The following DIXDC1 variants were observed in gnomAD, a reference collection of about 807,000 sequenced individuals.
DIXDC1 encodes DIX domain containing 1.
Under a neutral mutation model 103.1 loss-of-function variants are expected in DIXDC1, and 64 were observed. The observed-to-expected ratio is 0.62, with a 90% CI of 0.51 to 0.76. The LOEUF (loss-of-function observed/expected upper bound fraction) is 0.76, where lower values mean the gene tolerates loss of function less well. DIXDC1 is among the 30% of genes least tolerant of loss of function. The pLI, the probability that DIXDC1 is intolerant of heterozygous loss-of-function variation, is 0.00. For missense variants in DIXDC1, 759 were observed against 834.2 expected (o/e 0.91, Z 1.11); for synonymous variants, 266 against 298.5 (o/e 0.89, Z 1.12).
At chr11:111,988,135 GC>G (rs1860561637) in intron 9 of DIXDC1, among the ~76,000 whole-genome samples, 1 of 151,630 alleles carries the variant, frequency 6.6e-6, no homozygotes, top group Non-Finnish European at 1.5e-5. Context: ...AGTAGCTGGG[GC>G]TTCAGGAACA....
chr11:111,995,190 GC>G, intron 15 of DIXDC1, 82 bp downstream of exon 15: 1 of 1,442,868 alleles, frequency 6.9e-7, no homozygotes, highest in Non-Finnish European at 9.6e-7. Context: ...AGTGGATGAG[GC>G]CTTTTATATT....
rs587613810 is a variant in DIXDC1, at chr11:111,979,688, C to T, written c.657-1049C>T. On this transcript the variant is annotated intron_variant, in intron 5 of 19. Coordinates refer to ENST00000440460, the MANE Select transcript of DIXDC1 (RefSeq NM_001037954.4). ...TATATCAGAACTTAAGGGCCAGGTA[C>T]GGTGGCCCACGCCTGTAATCCCAGT... Among the ~76,000 whole-genome samples the T allele has an allele frequency of 9.6e-4, 146 of 152,312 alleles. 1 individual carries two copies. Among genetic ancestry groups the T allele is most frequent in the African/African-American group, 3.1e-3 (128 of 41,562 alleles).
Position 111,977,944 on chromosome 11 carries a change from T to C in DIXDC1, c.657-2793T>C, listed in dbSNP as rs1860172281. On this transcript the variant is annotated intron_variant, in intron 5 of 19. Transcript: ENST00000440460. This position sits in a 1 kb window ranked among gnomAD's most constrained non-coding sequence, Gnocchi z 6.1. ...CTGACCAGGGGTTATCACTATAAAA[T>C]ACGGTGGGCGTAGGAAGTGGAGCCA... 20 of 1,206,718 alleles carry C rather than the reference T, an allele frequency of 1.7e-5. No homozygotes were observed. The South Asian group carries it at 3.2e-4, about 19-fold the overall frequency. The allele number at this position is 1,206,718 out of a possible 1,614,324, so 74.8% of individuals were successfully genotyped here. A position where few individuals can be genotyped will look rare whatever the true frequency, so the allele number is the denominator to read the frequency against.
chr11:111,985,571 C>G (rs768506585), intron 8 of DIXDC1, among the ~76,000 whole-genome samples: 2 of 152,102 alleles, frequency 1.3e-5, no homozygotes, highest in Non-Finnish European at 2.9e-5. Flanking sequence ...GATCTAAGAC[C>G]CGACCCTTAT....
At chr11:112,012,162 C>T (rs368481792) in intron 17 of DIXDC1, among the ~76,000 whole-genome samples, 1 of 152,124 alleles carries the variant, frequency 6.6e-6, no homozygotes, top group Non-Finnish European at 1.5e-5. Flanking sequence ...AATGCAGTTC[C>T]AGTGAAAATC....
At position 111,991,378 on chromosome 11, in the gene DIXDC1, C is replaced by T. The variant is rs117061857; in HGVS notation, c.1114-1037C>T. Among the ~76,000 whole-genome samples, 1,041 of 152,256 alleles carry T rather than the reference C, an allele frequency of 6.8e-3. 5 individuals are homozygous for T. Among genetic ancestry groups the T allele is most frequent in the Middle Eastern group, 0.051 (15 of 294 alleles). On this transcript the variant is annotated intron_variant, in intron 10 of 19. Transcript: ENST00000440460. ...GTAACATCATGTGGCACATTAATGT[C>T]CCATGGAGCACATTTTGGGAAATAT...
At chr11:111,948,321 G>C (rs1371904691) in intron 1 of DIXDC1, among the ~76,000 whole-genome samples, 2 of 152,080 alleles carry the variant, frequency 1.3e-5, no homozygotes, top group African/African-American at 2.4e-5. Flanking sequence ...ATTCCATCAA[G>C]TTCTCCTTTC....
In DIXDC1 at chr11:111,974,455, C is replaced by T. The variant is rs587660386; in HGVS notation, c.548+201C>T. On this transcript the variant is annotated intron_variant, in intron 4 of 19. Transcript: ENST00000440460. ...ATGTTTATTTTTATTTTGCATTTAG[C>T]AAAAGTAAAGGAATCTTATGTGTAA... 43 of 601,298 alleles carry T rather than the reference C, an allele frequency of 7.2e-5. No homozygotes were observed. In the South Asian group the frequency reaches 9.6e-4, roughly 13 times the overall value. 37.2% of individuals were successfully genotyped at this position (601,298 alleles called of 1,614,324 possible).
intron 1 of DIXDC1, among the ~76,000 whole-genome samples, chr11:111,951,243 A>G (rs1208536779): frequency 2.6e-5 from 4 of 152,204 alleles, no homozygotes; most frequent in Non-Finnish European, 4.4e-5. Context: ...CAATTTCTAT[A>G]GAAGAATTAG....
chr11:111,993,651 T>G lies in DIXDC1; in HGVS notation c.1366-18T>G, dbSNP rs374838293. On this transcript the variant is annotated intron_variant, in intron 13 of 19. Transcript: ENST00000440460. ...TGGCCCAAAGAAATCATTTTCTGAT[T>G]TAGTGTCTATTTTGCAGGTGGATCT... 1 of 1,614,036 alleles carries G rather than the reference T, an allele frequency of 6.2e-7. No individual in the cohort carries two copies. Among genetic ancestry groups the G allele is most frequent in the Non-Finnish European group, 8.5e-7 (1 of 1,179,892 alleles).
rs182950399 is a variant in DIXDC1, at chr11:111,983,044, C to T, written c.918+557C>T. Among the ~76,000 whole-genome samples, 549 of 152,350 alleles carry T rather than the reference C, an allele frequency of 3.6e-3. 9 individuals carry two copies. The highest frequency in any genetic ancestry group is 3.1e-3 in the East Asian group (16 of 5,192). On this transcript the variant is annotated intron_variant, in intron 7 of 19. Transcript: ENST00000440460. ...TTTTCCTATACCTGTAGTGCCAGCT[C>T]GGCAAATCTACCCGAGACTGACCCA...
At chr11:111,992,031 G>A (rs1010914067) in intron 10 of DIXDC1, among the ~76,000 whole-genome samples, 1 of 152,154 alleles carries the variant, frequency 6.6e-6, no homozygotes, top group Admixed American at 6.5e-5. Flanking sequence ...AGAGTGCATT[G>A]TCCAAGGCTG....
At chr11:111,933,335 T>C (rs1966090990), upstream of DIXDC1, among the ~76,000 whole-genome samples, 1 of 151,966 alleles carries the variant, frequency 6.6e-6, no homozygotes, top group African/African-American at 2.4e-5. Context: ...TCCATGTTGG[T>C]CAGGCTGGTC....
chr11:111,978,175 T>G (rs587749606), intron 5 of DIXDC1, among the ~76,000 whole-genome samples: 131 of 152,304 alleles, frequency 8.6e-4, no homozygotes, highest in African/African-American at 3.1e-3. Flanking sequence ...AATTAAGAAA[T>G]GTATCAGCCA....
At position 111,960,605 on chromosome 11, in the gene DIXDC1, AAAAAG is replaced by A. The variant is rs1306805920; in HGVS notation, c.61-3934_61-3930del. Among the ~76,000 whole-genome samples the A allele has an allele frequency of 5.9e-5, 9 of 151,876 alleles. No individual in the cohort carries two copies. The East Asian group carries it at 1.4e-3, about 23-fold the overall frequency. On this transcript the variant is annotated intron_variant, in intron 1 of 19. Transcript: ENST00000440460. The stretch of plus-strand genomic sequence containing the variant: ...GTGAAACTCTGTCTTAAAAAAAAAA[AAAAAG>A]AAAAGAAAAAGAAAAACAGTAATAC...
At chr11:111,956,311 T>A (rs1486829292) in intron 1 of DIXDC1, among the ~76,000 whole-genome samples, 2 of 152,202 alleles carry the variant, frequency 1.3e-5, no homozygotes, top group Non-Finnish European at 2.9e-5. Flanking sequence ...ACAATGTGAA[T>A]ATACTTAACA....
At chr11:111,970,405 T>C (rs1859879765) in intron 3 of DIXDC1, among the ~76,000 whole-genome samples, 1 of 152,116 alleles carries the variant, frequency 6.6e-6, no homozygotes, top group Non-Finnish European at 1.5e-5. Flanking sequence ...AGAGACACAT[T>C]ATGAACACAA....
intron 9 of DIXDC1, among the ~76,000 whole-genome samples, chr11:111,987,193 T>C (rs1860521624): frequency 6.6e-6 from 1 of 150,892 alleles, no homozygotes; most frequent in African/African-American, 2.4e-5. Flanking sequence ...GAGGTTGCAG[T>C]GAGCAGAGAT....
intron 17 of DIXDC1, among the ~76,000 whole-genome samples, chr11:112,008,131 CAAAA>C (rs782037838): frequency 1.5e-4 from 8 of 52,256 alleles, no homozygotes; most frequent in East Asian, 6.5e-4. Context: ...AAATGCAAAG[CAAAA>C]AAAAAAAAAA....
Sources: gnomAD v4.1 joint callset for allele counts (sites outside exome capture counted in the v4.1 genomes callset) on GRCh38, gnomAD v4.1.1 for gene constraint, Gnocchi (gnomAD v3.1) non-coding constraint, MANE v1.5 for transcripts, NCBI Gene and HGNC (gene_info 2026-07-23, HGNC 2026-07-21) for gene names.